The following RALGPS1 variants were observed in gnomAD, a reference collection of about 807,000 sequenced individuals.
RALGPS1 encodes the protein Ral GEF with PH domain and SH3 binding motif 1.
Under a neutral mutation model 78.8 loss-of-function variants are expected in RALGPS1, and 19 were observed. The ratio of observed to expected loss-of-function variants is 0.24; its 90% CI spans 0.17 to 0.35. The LOEUF (loss-of-function observed/expected upper bound fraction) is 0.35. Among genes scored for constraint, RALGPS1 ranks in the 10% least tolerant of loss-of-function variants. The probability of loss-of-function intolerance (pLI) is 1.00; values close to 1 mark genes in which losing one functional copy is unlikely to be tolerated. For synonymous variants in RALGPS1, 228 were observed against 256.3 expected, an observed-to-expected ratio of 0.89 and a Z score of 1.06; for missense variants, 454 against 688.3, an observed-to-expected ratio of 0.66 and a Z score of 3.81.
At chr9:127,023,243 A>G (rs2045636344) in intron 4 of RALGPS1, among the ~76,000 whole-genome samples, 1 of 152,210 alleles carries the variant, frequency 6.6e-6, no homozygotes, top group African/African-American at 2.4e-5. Flanking sequence ...ATAAAGCAGG[A>G]AAGTCCAGTT....
At chr9:127,142,868 G>T (rs912693785) in intron 8 of RALGPS1, among the ~76,000 whole-genome samples, 1 of 152,060 alleles carries the variant, frequency 6.6e-6, no homozygotes, top group Non-Finnish European at 1.5e-5. Flanking sequence ...AATTAAATCT[G>T]GACGGTAAAT....
chr9:127,153,375 CTTTTTTTTT>C (rs60308901), intron 8 of RALGPS1, among the ~76,000 whole-genome samples: 48 of 102,116 alleles, frequency 4.7e-4, no homozygotes, highest in Non-Finnish European at 8.0e-4. Flanking sequence ...TAGAGGATTA[CTTTTTTTTT>C]TTTTTTTTTT....
chr9:127,090,526 T>A (rs898946144), intron 8 of RALGPS1, among the ~76,000 whole-genome samples: 2 of 152,188 alleles, frequency 1.3e-5, no homozygotes. Flanking sequence ...TCCTGTCCCC[T>A]GATGTTGGGA....
intron 5 of RALGPS1, among the ~76,000 whole-genome samples, chr9:127,049,676 T>C (rs1468719330): frequency 6.6e-6 from 1 of 152,206 alleles, no homozygotes; most frequent in Non-Finnish European, 1.5e-5. Context: ...ACCCATCATC[T>C]ATGATCTCCC....
chr9:127,018,650 A>G (rs7861804), intron 4 of RALGPS1, among the ~76,000 whole-genome samples: 40,230 of 95,678 alleles, frequency 0.42, 6,096 homozygotes, highest in Non-Finnish European at 0.48. Context: ...TAATGATGAT[A>G]ATAATAATAA....
In RALGPS1 at chr9:127,107,839, A is replaced by G. The variant is rs577186218; in HGVS notation, c.610+38483A>G. ...CTTCAACTGGCCATGGCTTTTCCCCATTTGTGGACACAGCCAAGGGAAGCC... is the reference window on the plus strand; with the variant it reads ...CTTCAACTGGCCATGGCTTTTCCCCGTTTGTGGACACAGCCAAGGGAAGCC... On this transcript the variant is annotated intron_variant, in intron 8 of 18. Coordinates refer to ENST00000259351, the MANE Select transcript of RALGPS1 (RefSeq NM_014636.3). The G allele has an allele frequency of 9.1e-6, 13 of 1,434,914 alleles. No individual in the cohort carries two copies. The South Asian group carries it at 1.8e-4, about 20-fold the overall frequency. The allele number at this position is 1,434,914 out of a possible 1,614,324, so 88.9% of individuals were successfully genotyped here. A position where few individuals can be genotyped will look rare whatever the true frequency, so the allele number is the denominator to read the frequency against.
At chr9:127,111,620 A>G (rs1323786698) in intron 8 of RALGPS1, among the ~76,000 whole-genome samples, 2 of 152,250 alleles carry the variant, frequency 1.3e-5, no homozygotes, top group Non-Finnish European at 2.9e-5. Flanking sequence ...TATTAATAAC[A>G]TCCATTGACC....
At chr9:127,184,647 G>A (rs1038510932) in intron 11 of RALGPS1, among the ~76,000 whole-genome samples, 1 of 152,336 alleles carries the variant, frequency 6.6e-6, no homozygotes, top group Middle Eastern at 3.4e-3. Flanking sequence ...GAAAGTCACC[G>A]TGTGCACCAG....
At chr9:127,038,742 T>C (rs76798990) in intron 5 of RALGPS1, among the ~76,000 whole-genome samples, 14,536 of 152,196 alleles carry the variant, frequency 0.096, 1,225 homozygotes, top group Non-Finnish European at 0.13. Flanking sequence ...GAATCTGTGC[T>C]AGGACGGGGA....
At chr9:126,969,976 A>T (rs2039947091) in intron 3 of RALGPS1, among the ~76,000 whole-genome samples, 1 of 152,194 alleles carries the variant, frequency 6.6e-6, no homozygotes. Context: ...TGGAGTGCCT[A>T]GGTGTTAGAA....
Position 126,962,343 on chromosome 9 carries a change from A to G in RALGPS1, c.54A>G (p.Pro18=), listed in dbSNP as rs769475811. The change falls in exon 2 of 19, where the codon CCA becomes CCG. Residue 18 remains proline (P), a synonymous_variant. Transcript: ENST00000259351. The stretch of plus-strand genomic sequence containing the variant: ...GCGTGTTGGTCACCTCTGCCACTCC[A>G]CAGGTACTGAGGCTGCAAGAATCGG... ...MASVLVTSAT[P]QGSSSSDSLE... 6.2e-7 allele frequency: 1 copy of G among 1,614,056 alleles called. No individual in the cohort carries two copies.
chr9:127,021,107 T>C (rs74600564), intron 4 of RALGPS1, among the ~76,000 whole-genome samples: 1,841 of 152,266 alleles, frequency 0.012, 18 homozygotes, highest in Non-Finnish European at 0.018. Flanking sequence ...ATTTTCTTCA[T>C]TGGAGGCCAG....
intron 8 of RALGPS1, chr9:127,093,822 C>T (rs147237909): frequency 3.9e-4 from 637 of 1,614,058 alleles, no homozygotes; most frequent in Non-Finnish European, 4.9e-4. Context: ...TGTCTCTGGT[C>T]GCACCACACC....
chr9:127,166,273 A>AATCTC lies in RALGPS1; in HGVS notation c.748+68_748+69insTCTCA, dbSNP rs564641018. 7.7e-4 allele frequency: 1,201 copies of AATCTC among 1,569,760 alleles called. 16 individuals are homozygous for AATCTC. In the South Asian group the frequency reaches 0.011, roughly 14 times the overall value. On this transcript the variant is annotated intron_variant, in intron 9 of 18. Transcript: ENST00000259351. ...TGAAATTTGGGTCTTACCAGTGAGA[A>AATCTC]AGCTCTAGAAACCTTTCAAAGAACT... is the stretch of plus-strand genomic sequence containing the variant.
intron 1 of RALGPS1, among the ~76,000 whole-genome samples, chr9:126,919,418 G>A (rs1044010732): frequency 2.6e-5 from 4 of 152,150 alleles, no homozygotes; most frequent in African/African-American, 4.8e-5. Context: ...GATGCAAGGC[G>A]GAGTACAGAA....
At chr9:127,025,503 T>C (rs2045888526) in intron 4 of RALGPS1, among the ~76,000 whole-genome samples, 1 of 152,208 alleles carries the variant, frequency 6.6e-6, no homozygotes, top group Non-Finnish European at 1.5e-5. Flanking sequence ...CTTTCCTAAA[T>C]GGCTGTTCTG....
At chr9:126,956,269 C>A (rs375885029) in intron 1 of RALGPS1, among the ~76,000 whole-genome samples, 2 of 152,210 alleles carry the variant, frequency 1.3e-5, no homozygotes, top group East Asian at 3.9e-4. Context: ...CCAGGCTAAC[C>A]CCCTCAGTGG....
At chr9:127,078,311 A>ACATTT (rs1199073527) in intron 8 of RALGPS1, among the ~76,000 whole-genome samples, 2 of 152,168 alleles carry the variant, frequency 1.3e-5, no homozygotes, top group Non-Finnish European at 2.9e-5. Flanking sequence ...CTTAAAATTC[A>ACATTT]CATTTTTTCT....
chr9:127,096,350 A>T (rs565213131), intron 8 of RALGPS1, among the ~76,000 whole-genome samples: 2 of 152,362 alleles, frequency 1.3e-5, no homozygotes, highest in South Asian at 4.1e-4. Flanking sequence ...TCAGCAGCAC[A>T]GGAGAGGCCG....
Sources: gnomAD v4.1 joint callset for allele counts (sites outside exome capture counted in the v4.1 genomes callset) on GRCh38, gnomAD v4.1.1 for gene constraint, MANE v1.5 for transcripts, NCBI Gene and HGNC (gene_info 2026-07-23, HGNC 2026-07-21) for gene names.